NTNG1: variants seen among roughly 807,000 people sequenced by gnomAD.
NTNG1 encodes netrin-G1.
In NTNG1, 16 loss-of-function variants were observed where a neutral mutation model predicts 54.0. The observed-to-expected ratio is 0.30, with a 90% CI of 0.20 to 0.45. NTNG1 has a LOEUF of 0.45. Among genes scored for constraint, NTNG1 ranks in the 20% least tolerant of loss-of-function variants. The pLI is 1.00. For missense variants in NTNG1, 530 were observed against 678.7 expected (o/e 0.78, Z 2.43); for synonymous variants, 255 against 263.1 (o/e 0.97, Z 0.30).
chr1:107,360,498 G>C (rs1570761597), intron 3 of NTNG1, among the ~76,000 whole-genome samples: 1 of 152,248 alleles, frequency 6.6e-6, no homozygotes, highest in Middle Eastern at 3.4e-3. Context: ...ATGAGCAAAT[G>C]CCAAATTGTT....
intron 1 of NTNG1, among the ~76,000 whole-genome samples, chr1:107,141,983 T>A (rs994269087): frequency 2.0e-5 from 3 of 152,208 alleles, no homozygotes; most frequent in Admixed American, 1.3e-4. Flanking sequence ...TAATCGCCTT[T>A]ATTGGTGCTA....
intron 7 of NTNG1, chr1:107,455,742 T>C (rs1229668667): frequency 2.7e-6 from 1 of 368,116 alleles, no homozygotes; most frequent in African/African-American, 2.0e-5. Context: ...GTAGCAACTT[T>C]CATGCTGTCG....
intron 5 of NTNG1, among the ~76,000 whole-genome samples, chr1:107,416,435 G>A (rs17018956): frequency 0.15 from 22,647 of 151,972 alleles, 1,780 homozygotes; most frequent in Middle Eastern, 0.24. Context: ...TGTAAGTGAG[G>A]TGTCTATCTT....
In NTNG1 at chr1:107,205,413, A is replaced by G. The variant is rs184102695; in HGVS notation, c.246+56574A>G. Among the ~76,000 whole-genome samples the G allele has an allele frequency of 2.0e-5, 3 of 152,250 alleles. No homozygotes were observed. The East Asian group carries it at 5.8e-4, about 29-fold the overall frequency. On this transcript the variant is annotated intron_variant, in intron 2 of 7. Transcript: ENST00000370068. ...TTTCCTTGTAAGGATGACAGTGATG[A>G]CTTCCAAGTACCTTGCCTGTCCGAG... is the stretch of plus-strand genomic sequence containing the variant.
At chr1:107,145,792 T>C (rs1472379940) in intron 1 of NTNG1, among the ~76,000 whole-genome samples, 1 of 152,216 alleles carries the variant, frequency 6.6e-6, no homozygotes, top group East Asian at 1.9e-4. Context: ...CATTTTTCCT[T>C]GTCAGTTCTC....
intron 2 of NTNG1, 49 bp downstream of exon 2, chr1:107,148,888 C>A: frequency 2.6e-6 from 4 of 1,558,122 alleles, no homozygotes; most frequent in South Asian, 1.1e-5. Context: ...AGGGTCTAAT[C>A]GCATATGCAT....
intron 3 of NTNG1, among the ~76,000 whole-genome samples, chr1:107,370,072 T>C (rs1448763296): frequency 1.3e-5 from 2 of 152,076 alleles, no homozygotes; most frequent in Non-Finnish European, 2.9e-5. Context: ...TATTCCGTTC[T>C]CCAATCTATC....
At chr1:107,278,150 C>T (rs1051655813) in intron 2 of NTNG1, among the ~76,000 whole-genome samples, 2 of 152,162 alleles carry the variant, frequency 1.3e-5, no homozygotes, top group Non-Finnish European at 2.9e-5. Flanking sequence ...CATTTCCTCC[C>T]CACCCATAGT....
At chr1:107,460,464 T>C (rs886443930) in intron 7 of NTNG1, 2 of 515,884 alleles carry the variant, frequency 3.9e-6, no homozygotes, top group South Asian at 1.4e-5. Context: ...AGAAATCCAA[T>C]AGTTTTCTAT....
At chr1:107,276,231 TGA>T (rs762234271) in intron 2 of NTNG1, among the ~76,000 whole-genome samples, 126 of 152,192 alleles carry the variant, frequency 8.3e-4, no homozygotes, top group Non-Finnish European at 1.6e-3. Context: ...CTTTTTTGTG[TGA>T]GGAGGAAAAT....
chr1:107,149,404 A>G (rs1324303633), intron 2 of NTNG1, among the ~76,000 whole-genome samples: 1 of 152,142 alleles, frequency 6.6e-6, no homozygotes, highest in East Asian at 1.9e-4. Context: ...GTTTTTCCAG[A>G]AAAATCTTAT....
chr1:107,277,987 G>A (rs1322455397), intron 2 of NTNG1, among the ~76,000 whole-genome samples: 6 of 152,050 alleles, frequency 3.9e-5, no homozygotes, highest in Non-Finnish European at 8.8e-5. Context: ...ATAATATATG[G>A]CATAACTTAT....
At chr1:107,240,275 AT>A (rs758253251) in intron 2 of NTNG1, among the ~76,000 whole-genome samples, 8,226 of 145,332 alleles carry the variant, frequency 0.057, 508 homozygotes, top group African/African-American at 0.16. Context: ...GAATATCCTT[AT>A]TTTTTTTTTT....
At chr1:107,296,755 A>G (rs1368419137) in intron 2 of NTNG1, among the ~76,000 whole-genome samples, 2 of 148,264 alleles carry the variant, frequency 1.3e-5, no homozygotes, top group Non-Finnish European at 3.0e-5. Context: ...TATATGTATC[A>G]TTCCAGTTAT....
At chr1:107,399,933 T>A (rs1672909944) in intron 4 of NTNG1, among the ~76,000 whole-genome samples, 1 of 152,122 alleles carries the variant, frequency 6.6e-6, no homozygotes, top group Admixed American at 6.5e-5. Flanking sequence ...CCTTCAAAGA[T>A]TCCCCTTCTA....
At chr1:107,190,120 G>A (rs1657791934) in intron 2 of NTNG1, among the ~76,000 whole-genome samples, 1 of 152,116 alleles carries the variant, frequency 6.6e-6, no homozygotes, top group South Asian at 2.1e-4. Flanking sequence ...TAAAATCCTA[G>A]AGACAGAAAG....
At position 107,148,615 on chromosome 1, in the gene NTNG1, T is replaced by C; in HGVS notation, c.22T>C (p.Ser8Pro). The C allele has an allele frequency of 1.9e-6, 3 of 1,613,378 alleles. No individual in the cohort carries two copies. The South Asian group carries it at 3.3e-5, about 18-fold the overall frequency. MYLSRFL[S>P]IHALWVTVSS... is the part of the protein sequence containing the mutation. ...AGAGATGTATTTGTCAAGATTCCTG[T>C]CGATTCATGCCCTTTGGGTTACGGT... The change falls in exon 2 of 8, where the codon TCG becomes CCG. Residue 8 changes from serine to proline, a missense_variant. Transcript: ENST00000370068.
chr1:107,337,514 A>T (rs574366122), intron 3 of NTNG1, among the ~76,000 whole-genome samples: 23 of 152,124 alleles, frequency 1.5e-4, no homozygotes, highest in South Asian at 8.3e-4. Context: ...TAGGGAAGAT[A>T]AAAAAGTTCC....
chr1:107,301,809 G>A (rs776131253), intron 2 of NTNG1, among the ~76,000 whole-genome samples: 3 of 152,118 alleles, frequency 2.0e-5, no homozygotes, highest in Non-Finnish European at 2.9e-5. Context: ...GGAAATATTA[G>A]GTTAAAATTA....
Sources: gnomAD v4.1 joint callset for allele counts (sites outside exome capture counted in the v4.1 genomes callset) on GRCh38, gnomAD v4.1.1 for gene constraint, MANE v1.5 for transcripts, NCBI Gene and HGNC (gene_info 2026-07-23, HGNC 2026-07-21) for gene names.